The following MOCS2 variants were observed in gnomAD, a reference collection of about 807,000 sequenced individuals.
The protein encoded by MOCS2 is molybdenum cofactor synthesis 2.
In MOCS2, 13 loss-of-function variants were observed where a neutral mutation model predicts 21.9. The ratio of observed to expected loss-of-function variants is 0.59; its 90% CI spans 0.39 to 0.94. The LOEUF (loss-of-function observed/expected upper bound fraction) is 0.94, where lower values mean the gene tolerates loss of function less well. Ranked by LOEUF, MOCS2 falls within the 40% of genes least tolerant of loss-of-function variation. The probability of loss-of-function intolerance (pLI) is 0.00; values close to 1 mark genes in which losing one functional copy is unlikely to be tolerated. For missense variants in MOCS2, 227 were observed against 218.3 expected, an observed-to-expected ratio of 1.04 and a Z score of -0.25; for synonymous variants, 92 against 80.8, an observed-to-expected ratio of 1.14 and a Z score of -0.74.
intron 5 of MOCS2, 117 bp downstream of exon 5, chr5:53,101,242 A>G: frequency 8.7e-7 from 1 of 1,148,902 alleles, no homozygotes; most frequent in Non-Finnish European, 1.3e-6. Context: ...CAAAAATAAT[A>G]CATGAATATT....
rs774776548 is a variant in MOCS2 at position 53,103,554 on chromosome 5, CCATG to C, written c.99-1334_99-1331del. 5.3e-5 allele frequency among the ~76,000 whole-genome samples: 8 copies of C among 152,226 alleles called. No individual in the cohort carries two copies. The East Asian group carries it at 1.4e-3, about 26-fold the overall frequency. On this transcript the variant is annotated intron_variant, in intron 3 of 6. Coordinates refer to ENST00000396954, the MANE Select transcript of MOCS2 (RefSeq NM_004531.5). The stretch of plus-strand genomic sequence containing the variant: ...ACTAGGTATTGTGCAAAGCCCTTTG[CCATG>C]CATTTCTCATTTAATTCCTCAAACA...
rs1444272802 is a variant in MOCS2, at chr5:53,109,433, G to C, written c.-352C>G. 2 of 1,262,600 alleles carry C rather than the reference G, an allele frequency of 1.6e-6. No individual in the cohort carries two copies. The highest frequency in any genetic ancestry group is 2.0e-6 in the Non-Finnish European group (2 of 1,004,480). 78.2% of individuals were successfully genotyped at this position (1,262,600 alleles called of 1,614,324 possible). A position where few individuals can be genotyped will look rare whatever the true frequency, so the allele number is the denominator to read the frequency against. ...TCTGGGAAAGAGGTGGTCATAAAAG[G>C]TGGAGGCGCCTTCAGAACGAGTCCG... On this transcript the variant is annotated 5_prime_UTR_variant, in exon 1 of 7. Transcript: ENST00000396954.
chr5:53,104,555 C>T (rs1277606850), intron 3 of MOCS2, among the ~76,000 whole-genome samples: 1 of 152,000 alleles, frequency 6.6e-6, no homozygotes, highest in Non-Finnish European at 1.5e-5. Context: ...ATATGGTGAC[C>T]ACAGTTTCTA....
At position 53,098,524 on chromosome 5, in the gene MOCS2, GGA is replaced by G. The variant is rs1382879968; in HGVS notation, c.*76_*77del. ...GTGCTTCAGTAAACTATCCTGATGT[GGA>G]GAGAAAAAAATCAAAATGTGATCAA... On this transcript the variant is annotated 3_prime_UTR_variant, in exon 7 of 7. Transcript: ENST00000396954. 1.1e-5 allele frequency: 14 copies of G among 1,280,962 alleles called. No individual in the cohort carries two copies. The highest frequency in any genetic ancestry group is 1.6e-5 in the Non-Finnish European group (14 of 878,272). The allele number at this position is 1,280,962 out of a possible 1,614,324, so 79.3% of individuals were successfully genotyped here. A position where few individuals can be genotyped will look rare whatever the true frequency, so the allele number is the denominator to read the frequency against.
rs1561169914 is a variant in MOCS2, at chr5:53,095,680, TA to T, written c.*2921del. 6.6e-6 allele frequency: 1 copy of T among 151,912 alleles called. No individual in the cohort carries two copies. The highest frequency in any genetic ancestry group is 1.5e-5 in the Non-Finnish European group (1 of 68,024). 9.4% of individuals were successfully genotyped at this position (151,912 alleles called of 1,614,324 possible). ...TCCCAGCTCTTAAAAAATAAAATGT[TA>T]GAGAAAGAGAGCACTAAGTTTTATT... On this transcript the variant is annotated 3_prime_UTR_variant, in exon 7 of 7. Transcript: ENST00000396954.
intron 3 of MOCS2, among the ~76,000 whole-genome samples, chr5:53,102,647 C>A (rs1217136260): frequency 7.6e-6 from 1 of 132,288 alleles, no homozygotes; most frequent in Non-Finnish European, 1.7e-5. Flanking sequence ...TAGTCTGCAG[C>A]CCTCATAATA....
At chr5:53,104,483 T>C (rs560611920) in intron 3 of MOCS2, among the ~76,000 whole-genome samples, 1 of 152,376 alleles carries the variant, frequency 6.6e-6, no homozygotes, top group Non-Finnish European at 1.5e-5. Context: ...CCTATAGTTT[T>C]CTGAATAAAT....
In MOCS2 at chr5:53,109,572, C is replaced by G. The variant is rs375588153; in HGVS notation, c.-491G>C. On this transcript the variant is annotated 5_prime_UTR_variant, in exon 1 of 7. Transcript: ENST00000396954. ...CCGGGGGCGGGGGCGGGGGCGCCCC[C>G]GAACCCAAGACGCCGGCCAGGTTGG... The G allele has an allele frequency of 1.3e-4, 189 of 1,424,970 alleles. 3 individuals carry two copies. The East Asian group carries it at 2.0e-3, about 15-fold the overall frequency. 88.3% of individuals were successfully genotyped at this position (1,424,970 alleles called of 1,614,324 possible). A position where few individuals can be genotyped will look rare whatever the true frequency, so the allele number is the denominator to read the frequency against.
At position 53,101,507 on chromosome 5, in the gene MOCS2, T is replaced by C. The variant is rs2233215; in HGVS notation, c.229A>G (p.Thr77Ala). 892 of 1,593,738 alleles carry C rather than the reference T, an allele frequency of 5.6e-4. 12 individuals carry two copies. The East Asian group carries it at 0.015, about 28-fold the overall frequency. ...TTCCCTTCAAAGTTATTTCTTGTAG[T>C]CCCTTTAAAAATGAAAAAAAAGAAA... ...LCGAISLFVG[T>A]TRNNFEGKKV... The change falls in exon 5 of 7, where the codon ACT becomes GCT. Residue 77 changes from threonine to alanine, a missense_variant and splice_region_variant. Thr to Ala is a moderately conservative substitution (Grantham distance 58). Coordinates refer to ENST00000396954, the MANE Select transcript of MOCS2 (RefSeq NM_004531.5).
intron 6 of MOCS2, among the ~76,000 whole-genome samples, chr5:53,099,438 C>T (rs766598017): frequency 1.3e-5 from 2 of 152,218 alleles, no homozygotes; most frequent in Non-Finnish European, 2.9e-5. Flanking sequence ...TCCTACCTCT[C>T]GCTCTCTGGG....
chr5:53,109,714 G>T lies in MOCS2; in HGVS notation c.-633C>A, dbSNP rs121908607. The stretch of plus-strand genomic sequence containing the variant: ...GCACGCACACCCGCCACCCTTACCT[G>T]GCACAGCGGCACCATCCCGCCTAGG... On this transcript the variant is annotated 5_prime_UTR_variant, in exon 1 of 7. Transcript: ENST00000396954. 1 of 1,552,626 alleles carries T rather than the reference G, an allele frequency of 6.4e-7. No individual in the cohort carries two copies.
At chr5:53,098,815 GGTT>G in intron 6 of MOCS2, 148 bp from the exon 7 acceptor site, 1 of 672,314 alleles carries the variant, frequency 1.5e-6, no homozygotes, top group Admixed American at 2.5e-5. Context: ...TCATGGGCAA[GGTT>G]ACATAGGGGA....
At chr5:53,098,740 A>C in intron 6 of MOCS2, 73 bp from the exon 7 acceptor site, 4 of 1,060,454 alleles carry the variant, frequency 3.8e-6, no homozygotes, top group Non-Finnish European at 5.8e-6. Flanking sequence ...TATTTGAATA[A>C]ATCAGACAAA....
At chr5:53,109,216 G>A in intron 1 of MOCS2, 35 bp downstream of exon 1, 4 of 894,218 alleles carry the variant, frequency 4.5e-6, no homozygotes, top group Non-Finnish European at 5.4e-6. Context: ...CCAGCAGCCT[G>A]GTATGTAAGG....
intron 4 of MOCS2, 108 bp from the exon 5 acceptor site, chr5:53,101,617 G>A (rs1415408425): frequency 2.4e-6 from 2 of 827,656 alleles, no homozygotes; most frequent in Non-Finnish European, 3.8e-6. Context: ...TAAATTAATA[G>A]TAAACAAGCA....
intron 5 of MOCS2, 74 bp from the exon 6 acceptor site, chr5:53,100,608 T>C (rs1278482786): frequency 2.0e-6 from 3 of 1,525,492 alleles, no homozygotes; most frequent in African/African-American, 1.4e-5. Flanking sequence ...GCTAGACAGA[T>C]GAAAAAAAAT....
chr5:53,098,844 A>T, intron 6 of MOCS2, 177 bp from the exon 7 acceptor site: 1 of 611,426 alleles, frequency 1.6e-6, no homozygotes, highest in Non-Finnish European at 2.9e-6. Context: ...GAAAGTCTTT[A>T]GTTTTAAACA....
chr5:53,097,416 A>G lies in MOCS2; in HGVS notation c.*1186T>C, dbSNP rs1489737304. ...TAGGTAAAAGATGTTTTCACTACAT[A>G]TAACAAATAGGATTACTACGTTTCT... On this transcript the variant is annotated 3_prime_UTR_variant, in exon 7 of 7. Coordinates refer to ENST00000396954, the MANE Select transcript of MOCS2 (RefSeq NM_004531.5). 6.6e-6 allele frequency: 1 copy of G among 152,256 alleles called. No homozygotes were observed. Among genetic ancestry groups the G allele is most frequent in the African/African-American group, 2.4e-5 (1 of 41,472 alleles). The allele number at this position is 152,256 out of a possible 1,614,324, so 9.4% of individuals were successfully genotyped here. A position where few individuals can be genotyped will look rare whatever the true frequency, so the allele number is the denominator to read the frequency against.
At chr5:53,101,301 T>C in intron 5 of MOCS2, 58 bp downstream of exon 5, 1 of 1,472,802 alleles carries the variant, frequency 6.8e-7, no homozygotes, top group African/African-American at 1.4e-5. Flanking sequence ...GAATCAGAGT[T>C]AGTACAAAGA....
Sources: allele counts gnomAD v4.1 joint callset (sites outside exome capture counted in the v4.1 genomes callset), GRCh38; gene constraint gnomAD v4.1.1; transcripts MANE v1.5; gene names NCBI Gene and HGNC (gene_info 2026-07-23, HGNC 2026-07-21).